Variants in SPAG16 observed in about 807,000 individuals in gnomAD.
SPAG16 encodes the protein sperm-associated antigen 16 protein.
A neutral mutation model predicts 80.4 loss-of-function variants in SPAG16; 86 were observed. The ratio of observed to expected loss-of-function variants is 1.07; its 90% confidence interval spans 0.90 to 1.28. The LOEUF (loss-of-function observed/expected upper bound fraction) is 1.28, where lower values mean the gene tolerates loss of function less well. Ranked by LOEUF, SPAG16 falls within the 50% of genes most tolerant of loss-of-function variation. The pLI, the probability that SPAG16 is intolerant of heterozygous loss-of-function variation, is 0.00. For synonymous variants in SPAG16, 294 were observed against 265.9 expected, an observed-to-expected ratio of 1.11 and a Z score of -1.03; for missense variants, 870 against 765.3, an observed-to-expected ratio of 1.14 and a Z score of -1.61.
At chr2:213,518,656 C>T (rs555531656) in intron 10 of SPAG16, among the ~76,000 whole-genome samples, 13 of 152,290 alleles carry the variant, frequency 8.5e-5, no homozygotes, top group African/African-American at 2.9e-4. Flanking sequence ...TTAGTTCAGC[C>T]ACTGTGGAAA....
At chr2:213,303,412 A>G (rs944941293) in intron 3 of SPAG16, among the ~76,000 whole-genome samples, 1 of 151,958 alleles carries the variant, frequency 6.6e-6, no homozygotes, top group Non-Finnish European at 1.5e-5. Context: ...AAACAATCCA[A>G]TTATACTCAT....
chr2:213,990,515 A>G (rs1284646578), intron 12 of SPAG16, among the ~76,000 whole-genome samples: 1 of 152,178 alleles, frequency 6.6e-6, no homozygotes, highest in South Asian at 2.1e-4. Context: ...ACACAAATGT[A>G]TATTACATGT....
At chr2:214,337,350 C>T (rs1697372411) in intron 15 of SPAG16, among the ~76,000 whole-genome samples, 1 of 151,816 alleles carries the variant, frequency 6.6e-6, no homozygotes, top group South Asian at 2.1e-4. Context: ...ACCTCTCACA[C>T]AGTTTTTTCT....
intron 11 of SPAG16, among the ~76,000 whole-genome samples, chr2:213,864,338 A>G (rs979300666): frequency 3.3e-5 from 5 of 152,128 alleles, no homozygotes; most frequent in Admixed American, 2.0e-4. Flanking sequence ...GTAAGAAAAG[A>G]TAGTTAATTA....
chr2:213,484,171 T>C (rs1025816817), intron 9 of SPAG16, among the ~76,000 whole-genome samples: 2 of 152,194 alleles, frequency 1.3e-5, no homozygotes, highest in African/African-American at 2.4e-5. Flanking sequence ...TTGTTTTATA[T>C]AAACATCTAG....
intron 14 of SPAG16, among the ~76,000 whole-genome samples, chr2:214,130,880 T>C (rs2125495835): frequency 6.6e-6 from 1 of 152,288 alleles, no homozygotes; most frequent in East Asian, 1.9e-4. Context: ...CTTCCATTTC[T>C]CCTTGAATAA....
chr2:213,776,179 G>T (rs2069564035), intron 10 of SPAG16, among the ~76,000 whole-genome samples: 1 of 152,192 alleles, frequency 6.6e-6, no homozygotes, highest in Non-Finnish European at 1.5e-5. Context: ...TTAAGTTAGA[G>T]CCCTGATTTG....
intron 10 of SPAG16, among the ~76,000 whole-genome samples, chr2:213,800,312 T>C (rs1201289876): frequency 5.6e-5 from 8 of 142,496 alleles, no homozygotes; most frequent in Non-Finnish European, 1.1e-4. Flanking sequence ...CCCTTTCTCC[T>C]TCCCTCCCTC....
At chr2:213,824,409 A>G (rs1269835955) in intron 10 of SPAG16, among the ~76,000 whole-genome samples, 1 of 152,078 alleles carries the variant, frequency 6.6e-6, no homozygotes, top group East Asian at 1.9e-4. Context: ...ATTTATATTG[A>G]TTTTTATTTA....
intron 2 of SPAG16, among the ~76,000 whole-genome samples, chr2:213,296,652 C>A (rs889855037): frequency 1.3e-5 from 2 of 152,046 alleles, no homozygotes; most frequent in Non-Finnish European, 2.9e-5. Context: ...ATAAGCCTGG[C>A]GAGCCTGGGT....
At chr2:214,193,854 A>G (rs1198475512) in intron 15 of SPAG16, among the ~76,000 whole-genome samples, 5 of 152,118 alleles carry the variant, frequency 3.3e-5, no homozygotes, top group African/African-American at 1.2e-4. Flanking sequence ...AAAACAAAAC[A>G]TTCAACACTA....
At chr2:214,141,689 TC>T (rs1479880271) in intron 14 of SPAG16, among the ~76,000 whole-genome samples, 1 of 152,076 alleles carries the variant, frequency 6.6e-6, no homozygotes, top group South Asian at 2.1e-4. Flanking sequence ...TGAGGTTTTT[TC>T]CCCCGGTACA....
intron 10 of SPAG16, among the ~76,000 whole-genome samples, chr2:213,780,376 T>A (rs1246469172): frequency 6.6e-6 from 1 of 152,150 alleles, no homozygotes; most frequent in Non-Finnish European, 1.5e-5. Context: ...TTCTCTGACT[T>A]GTGTGAAATA....
chr2:213,890,789 TAGC>T (rs1472239116), intron 11 of SPAG16, among the ~76,000 whole-genome samples: 4 of 152,024 alleles, frequency 2.6e-5, no homozygotes, highest in Non-Finnish European at 5.9e-5. Context: ...ATTTATAAAA[TAGC>T]AGGGTGTTGC....
intron 10 of SPAG16, among the ~76,000 whole-genome samples, chr2:213,704,227 T>A (rs2065637241): frequency 6.6e-6 from 1 of 152,214 alleles, no homozygotes; most frequent in Non-Finnish European, 1.5e-5. Context: ...TTCTCCTTGA[T>A]AATTTTCTCA....
At chr2:213,777,950 T>TTA (rs1158861964) in intron 10 of SPAG16, among the ~76,000 whole-genome samples, 1 of 152,180 alleles carries the variant, frequency 6.6e-6, no homozygotes, top group Non-Finnish European at 1.5e-5. Context: ...GAGCAAAGAA[T>TTA]TAGGATCCTT....
intron 15 of SPAG16, among the ~76,000 whole-genome samples, chr2:214,291,601 G>A (rs7587533): frequency 0.017 from 2,559 of 152,132 alleles, 37 homozygotes; most frequent in Middle Eastern, 0.041. Context: ...CACCGCGCCC[G>A]GCCTAGATCA....
At chr2:213,825,028 C>A (rs1213993009) in intron 10 of SPAG16, among the ~76,000 whole-genome samples, 1 of 151,596 alleles carries the variant, frequency 6.6e-6, no homozygotes, top group Non-Finnish European at 1.5e-5. Context: ...AAATTCTATA[C>A]TGTTGGCATG....
chr2:214,106,305 G>A (rs1236957726), intron 13 of SPAG16, among the ~76,000 whole-genome samples: 3 of 152,018 alleles, frequency 2.0e-5, no homozygotes, highest in Non-Finnish European at 4.4e-5. Flanking sequence ...GGCTTTGTAA[G>A]TAATTTATTT....
Sources: allele counts gnomAD v4.1 joint callset (sites outside exome capture counted in the v4.1 genomes callset), GRCh38; gene constraint gnomAD v4.1.1; transcripts MANE v1.5; gene names NCBI Gene and HGNC (gene_info 2026-07-23, HGNC 2026-07-21).